OLA1: variants seen among roughly 807,000 people sequenced by gnomAD.
OLA1 encodes the protein obg-like ATPase 1.
OLA1 carries 14 observed loss-of-function variants against 48.4 expected under a neutral mutation model. That is an observed-to-expected ratio of 0.29 (90% confidence interval 0.19 to 0.45). OLA1 has a LOEUF of 0.45. Among genes scored for constraint, OLA1 ranks in the 20% least tolerant of loss-of-function variants. The probability of loss-of-function intolerance (pLI) is 1.00; values close to 1 mark genes in which losing one functional copy is unlikely to be tolerated. For missense variants in OLA1, 325 were observed against 467.1 expected, an observed-to-expected ratio of 0.70 and a Z score of 2.80; for synonymous variants, 127 against 150.4, an observed-to-expected ratio of 0.84 and a Z score of 1.14.
intron 5 of OLA1, among the ~76,000 whole-genome samples, chr2:174,137,694 T>C (rs1285073078): frequency 6.6e-6 from 1 of 152,256 alleles, no homozygotes; most frequent in Non-Finnish European, 1.5e-5. Context: ...TGGCTTCTTT[T>C]CTTAAACCAC....
intron 2 of OLA1, 64 bp from the exon 3 acceptor site, chr2:174,229,515 T>G: frequency 3.3e-6 from 4 of 1,211,552 alleles, no homozygotes; most frequent in Non-Finnish European, 4.7e-6. Flanking sequence ...TTTATCTCAC[T>G]CTAATTTCAA....
intron 7 of OLA1, among the ~76,000 whole-genome samples, chr2:174,122,321 T>C (rs1685932088): frequency 6.6e-6 from 1 of 152,212 alleles, no homozygotes; most frequent in South Asian, 2.1e-4. Context: ...CTATGAATGT[T>C]TATTTTTCAG....
chr2:174,239,516 T>C lies in OLA1; in HGVS notation c.101+7199A>G, dbSNP rs376075949. ...ATAACTGGCCAGTACTCTTCAAAAG[T>C]GTCAAGGATATCAAACACAAAAAGA... is the stretch of plus-strand genomic sequence containing the variant. On this transcript the variant is annotated intron_variant, in intron 2 of 10. Transcript: ENST00000284719. Among the ~76,000 whole-genome samples, 5 of 151,892 alleles carry C rather than the reference T, an allele frequency of 3.3e-5. No individual in the cohort carries two copies. In the South Asian group the frequency reaches 8.3e-4, roughly 25 times the overall value.
At chr2:174,209,053 G>A (rs899874957) in intron 4 of OLA1, among the ~76,000 whole-genome samples, 6 of 152,136 alleles carry the variant, frequency 3.9e-5, no homozygotes, top group African/African-American at 7.2e-5. Context: ...TATTGCTTGC[G>A]AGACTGAGAC....
intron 2 of OLA1, chr2:174,240,353 A>G (rs1688968653): frequency 6.6e-6 from 1 of 152,262 alleles, no homozygotes; most frequent in African/African-American, 2.4e-5. Flanking sequence ...GGCGTTGCAG[A>G]CACCCAATCA....
chr2:174,201,108 C>T (rs1441705474), intron 4 of OLA1, among the ~76,000 whole-genome samples: 1 of 152,180 alleles, frequency 6.6e-6, no homozygotes, highest in Non-Finnish European at 1.5e-5. Context: ...AAAGTATCAT[C>T]ACGAGTATTT....
At chr2:174,185,523 T>A (rs1306853588) in intron 4 of OLA1, among the ~76,000 whole-genome samples, 2 of 152,218 alleles carry the variant, frequency 1.3e-5, no homozygotes, top group African/African-American at 2.4e-5. Context: ...CATTTTTTTT[T>A]ATATTCAACC....
At chr2:174,145,197 C>T (rs982936211) in intron 4 of OLA1, among the ~76,000 whole-genome samples, 3 of 151,506 alleles carry the variant, frequency 2.0e-5, no homozygotes, top group Non-Finnish European at 4.4e-5. Context: ...GGGGAATATA[C>T]TATTTTTTTA....
At chr2:174,090,067 T>C (rs989345391) in intron 7 of OLA1, among the ~76,000 whole-genome samples, 1 of 152,160 alleles carries the variant, frequency 6.6e-6, no homozygotes, top group Non-Finnish European at 1.5e-5. Flanking sequence ...AAGTGAAAGA[T>C]ACATTACCAC....
chr2:174,180,796 T>C (rs969989201), intron 4 of OLA1, among the ~76,000 whole-genome samples: 1 of 152,224 alleles, frequency 6.6e-6, no homozygotes, highest in African/African-American at 2.4e-5. Flanking sequence ...TAAAATAATC[T>C]GTTTTAAGAA....
chr2:174,120,125 TA>T (rs1329628506), intron 7 of OLA1, among the ~76,000 whole-genome samples: 7 of 152,062 alleles, frequency 4.6e-5, no homozygotes, highest in Non-Finnish European at 8.8e-5. Context: ...CTGGTAGGTG[TA>T]AAAAATATGT....
At chr2:174,128,309 G>T (rs971830193) in intron 5 of OLA1, among the ~76,000 whole-genome samples, 18 of 151,840 alleles carry the variant, frequency 1.2e-4, no homozygotes, top group African/African-American at 3.6e-4. Context: ...CTGAGGTTGA[G>T]GGGGGTATTG....
intron 7 of OLA1, among the ~76,000 whole-genome samples, chr2:174,115,564 T>C (rs1240837520): frequency 3.3e-5 from 5 of 152,204 alleles, no homozygotes; most frequent in Non-Finnish European, 5.9e-5. Flanking sequence ...TAAAAACATA[T>C]ACGTTTTTTC....
chr2:174,123,479 C>A, intron 6 of OLA1, 116 bp downstream of exon 6: 1 of 668,524 alleles, frequency 1.5e-6, no homozygotes, highest in Non-Finnish European at 2.5e-6. Flanking sequence ...TAAGCAATCA[C>A]TGACAGAAAT....
intron 3 of OLA1, among the ~76,000 whole-genome samples, chr2:174,225,479 G>A (rs955914578): frequency 6.6e-6 from 1 of 152,108 alleles, no homozygotes; most frequent in Admixed American, 6.5e-5. Context: ...AACCCAGGAG[G>A]CGGAGGTTGC....
chr2:174,155,248 A>G (rs1481271254), intron 4 of OLA1, among the ~76,000 whole-genome samples: 2 of 152,160 alleles, frequency 1.3e-5, no homozygotes, highest in East Asian at 3.9e-4. Context: ...AGGCCCAAAA[A>G]AGGGGTGAGC....
chr2:174,073,938 T>C lies in OLA1; in HGVS notation c.*1488A>G, dbSNP rs941168925. 1 of 152,240 alleles carries C rather than the reference T, an allele frequency of 6.6e-6. No homozygotes were observed. Among genetic ancestry groups the C allele is most frequent in the Non-Finnish European group, 1.5e-5 (1 of 68,038 alleles). The allele number at this position is 152,240 out of a possible 1,614,324, so 9.4% of individuals were successfully genotyped here. On this transcript the variant is annotated 3_prime_UTR_variant, in exon 11 of 11. Coordinates refer to ENST00000284719, the MANE Select transcript of OLA1 (RefSeq NM_013341.5). ...TTATTCTTATTTCTCTGCTGTAGTT[T>C]ACTCATTTTTATGTTAGCAAAAGAA...
At chr2:174,176,997 T>A (rs999105789) in intron 4 of OLA1, among the ~76,000 whole-genome samples, 2 of 152,104 alleles carry the variant, frequency 1.3e-5, no homozygotes, top group Non-Finnish European at 1.5e-5. Context: ...AGAACAAACC[T>A]TTTTAGATCG....
At chr2:174,148,559 G>A (rs904284101) in intron 4 of OLA1, among the ~76,000 whole-genome samples, 2 of 152,068 alleles carry the variant, frequency 1.3e-5, no homozygotes, top group African/African-American at 4.8e-5. Context: ...TTCTATCACA[G>A]AGATTTCTTA....
Sources: allele counts gnomAD v4.1 joint callset (sites outside exome capture counted in the v4.1 genomes callset), GRCh38; gene constraint gnomAD v4.1.1; transcripts MANE v1.5; gene names NCBI Gene and HGNC (gene_info 2026-07-23, HGNC 2026-07-21).